Variants in TRIM33 observed in about 807,000 individuals in gnomAD.
TRIM33 encodes the protein E3 ubiquitin-protein ligase TRIM33.
Under a neutral mutation model 125.4 loss-of-function variants are expected in TRIM33, and 20 were observed. That is an observed-to-expected ratio of 0.16 (90% CI 0.11 to 0.23). The LOEUF is 0.23. Ranked by LOEUF, TRIM33 falls within the 10% of genes least tolerant of loss-of-function variation. The pLI is 1.00. For missense variants in TRIM33, 920 were observed against 1,411.4 expected (o/e 0.65, Z 5.58); for synonymous variants, 564 against 513.9 (o/e 1.10, Z -1.32).
intron 1 of TRIM33, chr1:114,469,097 A>C (rs1257747047): frequency 4.3e-6 from 1 of 233,160 alleles, no homozygotes; most frequent in Non-Finnish European, 8.4e-6. Flanking sequence ...AGAAACAGAA[A>C]AAGTCTTCAG....
intron 1 of TRIM33, among the ~76,000 whole-genome samples, chr1:114,481,908 G>A (rs947327995): frequency 2.0e-5 from 3 of 151,928 alleles, no homozygotes; most frequent in South Asian, 2.1e-4. Context: ...ACAGATGTGC[G>A]CCACCATGCC....
intron 11 of TRIM33, among the ~76,000 whole-genome samples, chr1:114,419,559 T>C (rs1305716469): frequency 1.3e-5 from 2 of 152,202 alleles, no homozygotes; most frequent in Non-Finnish European, 2.9e-5. Context: ...AATTTATATT[T>C]AAAAAGTTTC....
chr1:114,466,257 G>C (rs1650291593), intron 1 of TRIM33, among the ~76,000 whole-genome samples: 1 of 152,126 alleles, frequency 6.6e-6, no homozygotes, highest in South Asian at 2.1e-4. Context: ...AAAGATATGA[G>C]AGCAACTAAC....
At chr1:114,480,966 G>GT (rs1443272539) in intron 1 of TRIM33, among the ~76,000 whole-genome samples, 1 of 152,172 alleles carries the variant, frequency 6.6e-6, no homozygotes, top group Admixed American at 6.5e-5. Flanking sequence ...GGAGTCCGGA[G>GT]TTTGAGACCA....
At chr1:114,443,227 C>CA (rs201275663) in intron 4 of TRIM33, among the ~76,000 whole-genome samples, 2,205 of 151,586 alleles carry the variant, frequency 0.015, 28 homozygotes, top group South Asian at 0.042. Context: ...ACTAAAAATA[C>CA]AAAAAAATTA....
At chr1:114,454,796 C>A (rs1221405953) in intron 4 of TRIM33, among the ~76,000 whole-genome samples, 7 of 152,100 alleles carry the variant, frequency 4.6e-5, no homozygotes, top group Non-Finnish European at 7.4e-5. Context: ...AGACTTCAGC[C>A]AGTCTGGGCT....
chr1:114,461,551 G>T (rs1486478244), intron 4 of TRIM33, among the ~76,000 whole-genome samples: 1 of 150,318 alleles, frequency 6.7e-6, no homozygotes, highest in Non-Finnish European at 1.5e-5. Flanking sequence ...TATAGGAGGA[G>T]AAAAAAAACA....
rs757549709 is a variant in TRIM33, at chr1:114,425,596, G to C, written c.1548C>G (p.Leu516=). The change falls in exon 9 of 20, where the codon CTC becomes CTG. Residue 516 remains leucine (L), a synonymous_variant. Coordinates refer to ENST00000358465, the MANE Select transcript of TRIM33 (RefSeq NM_015906.4). Reference sequence around the variant, plus strand: ...CATATACTTGTTGTTGCATGTGCTGGAGTCGAAGCTGTGCTAAGTTAATCT... The same window carrying C: ...CATATACTTGTTGTTGCATGTGCTGCAGTCGAAGCTGTGCTAAGTTAATCT... ...PGQINLAQLR[L]QHMQQQVYAQ... The C allele has an allele frequency of 6.2e-7, 1 of 1,614,040 alleles. No individual in the cohort carries two copies.
Position 114,511,103 on chromosome 1 carries a change from G to A in TRIM33, c.-27C>T, listed in dbSNP as rs749798612. The A allele has an allele frequency of 4.4e-6, 5 of 1,146,326 alleles. No homozygotes were observed. The South Asian group carries it at 2.1e-4, about 48-fold the overall frequency. 71.0% of individuals were successfully genotyped at this position (1,146,326 alleles called of 1,614,324 possible). A position where few individuals can be genotyped will look rare whatever the true frequency, so the allele number is the denominator to read the frequency against. Reference sequence around the variant, plus strand: ...TTTTCCTCTTTGAACCCGCCGGACCGCCCCGCGCCGCCCGCCGCCCGCGTC... The same window carrying A: ...TTTTCCTCTTTGAACCCGCCGGACCACCCCGCGCCGCCCGCCGCCCGCGTC... On this transcript the variant is annotated 5_prime_UTR_variant, in exon 1 of 20. Transcript: ENST00000358465.
chr1:114,465,116 A>G (rs1293042150), intron 1 of TRIM33, among the ~76,000 whole-genome samples: 1 of 152,230 alleles, frequency 6.6e-6, no homozygotes, highest in Non-Finnish European at 1.5e-5. Flanking sequence ...ACAATCTATC[A>G]TCTTATAAAT....
intron 1 of TRIM33, among the ~76,000 whole-genome samples, chr1:114,479,725 T>G (rs1245505083): frequency 6.6e-6 from 1 of 151,524 alleles, no homozygotes; most frequent in African/African-American, 2.4e-5. Flanking sequence ...ACAAAGTTGC[T>G]ATATTTTAAC....
At chr1:114,446,025 T>A (rs1648951937) in intron 4 of TRIM33, among the ~76,000 whole-genome samples, 1 of 152,102 alleles carries the variant, frequency 6.6e-6, no homozygotes, top group Admixed American at 6.6e-5. Flanking sequence ...GCCCAGCTAA[T>A]TTTTTGTATT....
chr1:114,428,401 CAGA>C (rs1647726757), intron 6 of TRIM33, among the ~76,000 whole-genome samples: 2 of 152,160 alleles, frequency 1.3e-5, no homozygotes, highest in Admixed American at 6.5e-5. Context: ...TTTGATATCA[CAGA>C]AGTTCACAGA....
chr1:114,402,698 GGT>G, intron 16 of TRIM33, 60 bp downstream of exon 16: 1 of 1,538,544 alleles, frequency 6.5e-7, no homozygotes, highest in South Asian at 1.3e-5. Context: ...GAAAAAAAAA[GGT>G]GTATATATAG....
intron 4 of TRIM33, among the ~76,000 whole-genome samples, chr1:114,461,203 C>T (rs891663365): frequency 8.4e-5 from 9 of 106,668 alleles, no homozygotes; most frequent in Admixed American, 3.8e-4. Context: ...AGAGCAAGAA[C>T]CTGTCTTTAA....
intron 15 of TRIM33, chr1:114,405,206 C>G: frequency 2.0e-6 from 1 of 498,564 alleles, no homozygotes; most frequent in Non-Finnish European, 3.5e-6. Flanking sequence ...GAGATGAAAT[C>G]TACTCTTTAA....
At chr1:114,465,837 G>C (rs67412280) in intron 1 of TRIM33, among the ~76,000 whole-genome samples, 53,695 of 151,476 alleles carry the variant, frequency 0.35, 10,181 homozygotes, top group African/African-American at 0.47. Flanking sequence ...GTCAGGAGAT[G>C]GAGACTATCC....
chr1:114,436,745 G>A (rs1019172677), intron 4 of TRIM33, among the ~76,000 whole-genome samples: 3 of 152,032 alleles, frequency 2.0e-5, no homozygotes, highest in African/African-American at 7.2e-5. Flanking sequence ...GATTACAGGC[G>A]TGAGCCACCA....
intron 1 of TRIM33, 62 bp downstream of exon 1, chr1:114,510,489 A>T: frequency 2.9e-6 from 4 of 1,391,076 alleles, no homozygotes; most frequent in Non-Finnish European, 3.7e-6. Flanking sequence ...CTCCGTCCCC[A>T]GCTCCTCTAG....
Sources: allele counts gnomAD v4.1 joint callset (sites outside exome capture counted in the v4.1 genomes callset), GRCh38; gene constraint gnomAD v4.1.1; transcripts MANE v1.5; gene names NCBI Gene and HGNC (gene_info 2026-07-23, HGNC 2026-07-21).